Variants in COL3A1 observed in about 807,000 individuals in gnomAD.
COL3A1 encodes the protein collagen alpha-1(III) chain.
COL3A1 carries 46 observed loss-of-function variants against 200.9 expected under a neutral mutation model. The observed-to-expected ratio is 0.23, with a 90% CI of 0.18 to 0.29. The LOEUF is 0.29. Among genes scored for constraint, COL3A1 ranks in the 10% least tolerant of loss-of-function variants. COL3A1 has a pLI of 1.00. For missense variants in COL3A1, 1,367 were observed against 1,917.6 expected, an observed-to-expected ratio of 0.71 and a Z score of 5.36; for synonymous variants, 650 against 628.0, an observed-to-expected ratio of 1.03 and a Z score of -0.52.
intron 40 of COL3A1, among the ~76,000 whole-genome samples, chr2:189,004,792 C>T (rs1208141356): frequency 6.6e-6 from 1 of 152,160 alleles, no homozygotes; most frequent in Non-Finnish European, 1.5e-5. Context: ...ATTCCTATAA[C>T]ATTCTAGTGC....
rs781060893 is a variant in COL3A1, at chr2:188,985,501, T to C, written c.334-164T>C. ...GGTCAATATACAAAGGAATACATTA[T>C]ACTTAAATTATTCACAAGATTTTGA... On this transcript the variant is annotated intron_variant, in intron 3 of 50. Transcript: ENST00000304636. Among the ~76,000 whole-genome samples, 30 of 152,110 alleles carry C rather than the reference T, an allele frequency of 2.0e-4. 1 individual carries two copies. The highest frequency in any genetic ancestry group is 6.8e-3 in the Middle Eastern group (2 of 294).
In COL3A1 at chr2:189,010,723, C is replaced by A; in HGVS notation, c.4087C>A (p.Arg1363=). ...HLAFLRLLSS[R]ASQNITYHCK... ...GGCATTCCTTCGACTTCTCTCCAGC[C>A]GAGCTTCCCAGAACATCACATATCA... Residue 1363 remains arginine, a synonymous_variant, in exon 50 of 51, where the codon CGA becomes AGA. Coordinates refer to ENST00000304636, the MANE Select transcript of COL3A1 (RefSeq NM_000090.4). 6.2e-7 allele frequency: 1 copy of A among 1,614,112 alleles called. No homozygotes were observed. The highest frequency in any genetic ancestry group is 1.1e-5 in the South Asian group (1 of 91,080).
rs753888892 is a variant in COL3A1, at chr2:188,997,217, A to T, written c.1814A>T (p.Gln605Leu). The T allele has an allele frequency of 4.3e-6, 7 of 1,614,046 alleles. No homozygotes were observed. The highest frequency in any genetic ancestry group is 1.1e-5 in the South Asian group (1 of 91,066). The change falls in exon 25 of 51, where the codon CAG becomes CTG. Residue 605 changes from glutamine (Q) to leucine (L), a missense_variant and splice_region_variant. Transcript: ENST00000304636. The part of the protein sequence containing the change: ...ERGGPGGPGP[Q>L]GPPGKNGETG... ...GGTGGCCCTGGAGGACCTGGCCCTC[A>T]GGTACGTAGCTTTCCTCAATTTATT... is the stretch of plus-strand genomic sequence containing the variant.
chr2:188,993,509 T>C, intron 16 of COL3A1, 50 bp downstream of exon 16: 1 of 1,372,356 alleles, frequency 7.3e-7, no homozygotes, highest in Non-Finnish European at 1.0e-6. Flanking sequence ...GCTTACTCCA[T>C]GAAAGCATAG....
intron 3 of COL3A1, 49 bp downstream of exon 3, chr2:188,985,296 T>C (rs1450144098): frequency 6.8e-7 from 1 of 1,466,260 alleles, no homozygotes; most frequent in Non-Finnish European, 9.6e-7. Flanking sequence ...ATGATAATTC[T>C]AGTAAGAGTT....
In COL3A1 at chr2:188,990,557, ATAAAG is replaced by A. The variant is rs753181008; in HGVS notation, c.798+200_798+204del. On this transcript the variant is annotated intron_variant, in intron 10 of 50. Coordinates refer to ENST00000304636, the MANE Select transcript of COL3A1 (RefSeq NM_000090.4). Reference sequence around the variant, plus strand: ...AAATAAAGGAGTTGATTTCTAGTGTATAAAGTACTCTTGAAAAATATCGTTTTCTT... The same window carrying A: ...AAATAAAGGAGTTGATTTCTAGTGTATACTCTTGAAAAATATCGTTTTCTT... Among the ~76,000 whole-genome samples, 11 of 152,322 alleles carry A rather than the reference ATAAAG, an allele frequency of 7.2e-5. No homozygotes were observed. The South Asian group carries it at 1.9e-3, about 26-fold the overall frequency.
intron 35 of COL3A1, among the ~76,000 whole-genome samples, 184 bp from the exon 36 acceptor site, chr2:189,002,771 T>C (rs1405407713): frequency 2.6e-5 from 4 of 152,250 alleles, no homozygotes; most frequent in South Asian, 2.1e-4. Context: ...TTCTTGGTCA[T>C]GTTCTTTGAT....
intron 50 of COL3A1, among the ~76,000 whole-genome samples, chr2:189,011,348 T>C (rs1038119597): frequency 2.0e-5 from 3 of 152,234 alleles, no homozygotes; most frequent in African/African-American, 7.2e-5. Context: ...TTTATAAACC[T>C]GTTAGCAATG....
Position 189,009,092 on chromosome 2 carries a change from G to C in COL3A1, c.3694G>C (p.Asp1232His). 6.2e-7 allele frequency: 1 copy of C among 1,614,134 alleles called. No homozygotes were observed. Among genetic ancestry groups the C allele is most frequent in the Admixed American group, 1.7e-5 (1 of 60,014 alleles). ...DEPMDFKINT[D>H]EIMTSLKSVN... ...ACCAATGGATTTCAAAATCAACACC[G>C]ATGAGATTATGACTTCACTCAAGTC... Residue 1232 changes from aspartate (D) to histidine (H), a missense_variant, in exon 48 of 51, where the codon GAT (aspartate) becomes CAT (histidine). By Grantham distance (81) the Asp-to-His change is moderately conservative. Around this residue, in one of 5 missense-constraint regions of COL3A1, gnomAD observed 846 missense variants for 1,147.9 expected, o/e 0.74. Transcript: ENST00000304636.
In COL3A1 at chr2:188,999,886, T is replaced by C. The variant is rs1060503872; in HGVS notation, c.2274T>C (p.Asp758=). The change falls in exon 32 of 51, where the codon GAT becomes GAC. Residue 758 remains aspartate (D), a synonymous_variant. Coordinates refer to ENST00000304636, the MANE Select transcript of COL3A1 (RefSeq NM_000090.4). ...GPGADGVPGK[D]GPRGPTGPIG... ...GTGCTGATGGTGTCCCAGGGAAAGA[T>C]GGCCCAAGGGTGAGTATTCCCAGTG... 3 of 1,591,596 alleles carry C rather than the reference T, an allele frequency of 1.9e-6. No individual in the cohort carries two copies. Among genetic ancestry groups the C allele is most frequent in the Non-Finnish European group, 1.7e-6 (2 of 1,170,064 alleles).
intron 4 of COL3A1, 115 bp downstream of exon 4, chr2:188,985,893 C>G: frequency 9.4e-6 from 7 of 743,772 alleles, no homozygotes; most frequent in African/African-American, 1.7e-5. Context: ...TTCTCTGATT[C>G]AGTGTATTTA....
intron 16 of COL3A1, 73 bp downstream of exon 16, chr2:188,993,532 T>A (rs1688233101): frequency 4.8e-6 from 6 of 1,243,470 alleles, no homozygotes; most frequent in Non-Finnish European, 4.6e-6. Flanking sequence ...TCATGCTTAC[T>A]CCATGAAAGC....
intron 27 of COL3A1, 41 bp from the exon 28 acceptor site, chr2:188,998,225 T>C (rs1321589917): frequency 6.4e-7 from 1 of 1,565,744 alleles, no homozygotes; most frequent in African/African-American, 1.4e-5. Flanking sequence ...CTATAAGCCA[T>C]GTTTGAGGTA....
At chr2:188,979,474 C>G (rs1371926698) in intron 1 of COL3A1, among the ~76,000 whole-genome samples, 2 of 151,678 alleles carry the variant, frequency 1.3e-5, no homozygotes. Flanking sequence ...TGTTAGAACC[C>G]TACTTTTTTG....
rs760999685 is a variant in COL3A1 at position 189,010,924 on chromosome 2, G to A, written c.4254+34G>A. On this transcript the variant is annotated intron_variant, in intron 50 of 50. Transcript: ENST00000304636. ...CATTTTTCTCAATATAGGTCATAAA[G>A]CAGTCAGCATTTTAGTTTAATCATG... The A allele has an allele frequency of 3.6e-5, 58 of 1,613,286 alleles. No homozygotes were observed. The South Asian group carries it at 6.2e-4, about 17-fold the overall frequency.
At chr2:189,007,828 C>T in intron 45 of COL3A1, 57 bp from the exon 46 acceptor site, 1 of 1,583,248 alleles carries the variant, frequency 6.3e-7, no homozygotes, top group South Asian at 1.1e-5. Context: ...CTTGAATGTA[C>T]AGTTTCCCAG....
intron 31 of COL3A1, 51 bp from the exon 32 acceptor site, chr2:188,999,791 A>G (rs748104261): frequency 1.3e-6 from 2 of 1,563,640 alleles, no homozygotes; most frequent in South Asian, 2.3e-5. Context: ...TTCTTGGCTG[A>G]TTTTCACTGA....
At position 189,003,024 on chromosome 2, in the gene COL3A1, C is replaced by A; in HGVS notation, c.2515C>A (p.Pro839Thr). ...APGEKGEGGP[P>T]GVAGPPGGSG... ...GGGTGAGAAAGGTGAAGGAGGCCCT[C>A]CTGGAGTTGCAGGACCCCCTGGAGG... Residue 839 changes from proline (P) to threonine (T), a missense_variant, in exon 36 of 51, where the codon CCT becomes ACT. This residue lies in a region of COL3A1 where 846 missense variants were observed against 1,147.9 expected (regional missense o/e 0.74). Transcript: ENST00000304636. 1 of 1,551,536 alleles carries A rather than the reference C, an allele frequency of 6.4e-7. No individual in the cohort carries two copies. Among genetic ancestry groups the A allele is most frequent in the Non-Finnish European group, 8.7e-7 (1 of 1,146,952 alleles).
At chr2:189,008,901 G>C in intron 47 of COL3A1, 23 bp from the exon 48 acceptor site, 1 of 1,612,096 alleles carries the variant, frequency 6.2e-7, no homozygotes, top group Non-Finnish European at 8.5e-7. Context: ...ATACCTCAAT[G>C]ATCCATGTTT....
Sources: allele counts gnomAD v4.1 joint callset (sites outside exome capture counted in the v4.1 genomes callset), GRCh38; gene constraint gnomAD v4.1.1; regional missense constraint gnomAD v4.1.1; transcripts MANE v1.5; gene names NCBI Gene and HGNC (gene_info 2026-07-23, HGNC 2026-07-21).